Variants in SPOUT1 observed in about 807,000 individuals in gnomAD.
SPOUT1 encodes the protein SPOUT domain containing methyltransferase 1, also known as 28S rRNA (uridine-N(3))-methyltransferase.
SPOUT1 carries 40 observed loss-of-function variants against 54.8 expected under a neutral mutation model. The observed-to-expected ratio is 0.73, with a 90% confidence interval of 0.57 to 0.95. SPOUT1 has a LOEUF of 0.95. Ranked by LOEUF, SPOUT1 falls within the 40% of genes least tolerant of loss-of-function variation. The pLI is 0.00. For missense variants in SPOUT1, 437 were observed against 499.5 expected (o/e 0.87, Z 1.19); for synonymous variants, 193 against 200.3 (o/e 0.96, Z 0.31).
In SPOUT1 at chr9:128,820,853, G is replaced by A. The variant is rs2132579344; in HGVS notation, c.*1912C>T. On this transcript the variant is annotated 3_prime_UTR_variant, in exon 12 of 12. Coordinates refer to ENST00000361256, the MANE Select transcript of SPOUT1 (RefSeq NM_016390.4). ...AGGGCCACTCTTCCTGCCCAGGTAA[G>A]GTGGAAACCAGGGGGGCGGCAGAAC... is the stretch of plus-strand genomic sequence containing the variant. 4.4e-6 allele frequency: 7 copies of A among 1,603,804 alleles called. No individual in the cohort carries two copies. Among genetic ancestry groups the A allele is most frequent in the Non-Finnish European group, 5.1e-6 (6 of 1,174,560 alleles).
rs1458370272 is a variant in SPOUT1, at chr9:128,824,785, A to G, written c.797T>C (p.Leu266Pro). The change falls in exon 9 of 12, where the codon CTG (leucine) becomes CCG (proline). Residue 266 changes from leucine (L) to proline (P), a missense_variant. Physicochemically the swap from Leu to Pro is moderately conservative, Grantham distance 98. Coordinates refer to ENST00000361256, the MANE Select transcript of SPOUT1 (RefSeq NM_016390.4). ...TCTGTCCTTACTGAGGCAGGAAGCC[A>G]GTCGGACGGTGTAGCCCCAGTAGAG... ...AGLYWGYTVR[L>P]ASCLSAVFAE... 6.8e-6 allele frequency: 11 copies of G among 1,613,100 alleles called. No individual in the cohort carries two copies. The highest frequency in any genetic ancestry group is 9.3e-6 in the Non-Finnish European group (11 of 1,179,166).
Position 128,828,874 on chromosome 9 carries a change from C to T in SPOUT1, c.83-14G>A, listed in dbSNP as rs1830293190. On this transcript the variant is annotated splice_polypyrimidine_tract_variant and intron_variant, in intron 2 of 11. Coordinates refer to ENST00000361256, the MANE Select transcript of SPOUT1 (RefSeq NM_016390.4). Reference sequence around the variant, plus strand: ...TCTCCTCTTTCTCTGGATAAAAGAACATCCTAATTGGCCAAGGAGACAGTT... The same window carrying T: ...TCTCCTCTTTCTCTGGATAAAAGAATATCCTAATTGGCCAAGGAGACAGTT... 6.2e-7 allele frequency: 1 copy of T among 1,613,844 alleles called. No individual in the cohort carries two copies. The highest frequency in any genetic ancestry group is 8.5e-7 in the Non-Finnish European group (1 of 1,179,950).
intron 9 of SPOUT1, 122 bp downstream of exon 9, chr9:128,824,649 C>T: frequency 1.4e-6 from 1 of 700,494 alleles, no homozygotes; most frequent in South Asian, 1.7e-5. Flanking sequence ...GAAGGACTTG[C>T]CCAAGGACAC....
chr9:128,827,892 G>T (rs1830272322), intron 3 of SPOUT1, among the ~76,000 whole-genome samples: 1 of 152,240 alleles, frequency 6.6e-6, no homozygotes, highest in Non-Finnish European at 1.5e-5. Flanking sequence ...CTGCACTCCA[G>T]CCTGGGCAAC....
chr9:128,826,211 G>C lies in SPOUT1; in HGVS notation c.509-59C>G. ...TGCTAGGGCACACAGGGTGCAGTGG[G>C]GACCCTGGAGCGGAGTACCGGCTCT... On this transcript the variant is annotated intron_variant, in intron 6 of 11. Coordinates refer to ENST00000361256, the MANE Select transcript of SPOUT1 (RefSeq NM_016390.4). The surrounding 1 kb of genome is among the most constrained non-coding windows in gnomAD (Gnocchi z 5.5). 1 of 1,571,126 alleles carries C rather than the reference G, an allele frequency of 6.4e-7. No individual in the cohort carries two copies. Among genetic ancestry groups the C allele is most frequent in the Non-Finnish European group, 8.6e-7 (1 of 1,156,830 alleles).
chr9:128,821,895 G>T lies in SPOUT1; in HGVS notation c.*870C>A. The stretch of plus-strand genomic sequence containing the variant: ...ATTAGCAGGTGCCTCCTAGGGCCTG[G>T]TGGAAGGGAGGAGACTCTGCTGAGG... On this transcript the variant is annotated 3_prime_UTR_variant, in exon 12 of 12. Coordinates refer to ENST00000361256, the MANE Select transcript of SPOUT1 (RefSeq NM_016390.4). The T allele has an allele frequency of 5.0e-6, 1 of 199,602 alleles. No individual in the cohort carries two copies. Among genetic ancestry groups the T allele is most frequent in the Non-Finnish European group, 1.0e-5 (1 of 96,404 alleles). 12.4% of individuals were successfully genotyped at this position (199,602 alleles called of 1,614,324 possible).
chr9:128,820,377 G>C lies in SPOUT1; in HGVS notation c.*2388C>G, dbSNP rs1488738046. On this transcript the variant is annotated 3_prime_UTR_variant, in exon 12 of 12. Coordinates refer to ENST00000361256, the MANE Select transcript of SPOUT1 (RefSeq NM_016390.4). ...CCCGCTAGGCTCTTCCTGTGGCTCA[G>C]ACTGGGAAAAGGAACGGGTTGGTAG... The C allele has an allele frequency of 1.4e-5, 3 of 219,872 alleles. No individual in the cohort carries two copies. The highest frequency in any genetic ancestry group is 6.8e-5 in the African/African-American group (3 of 43,852). The allele number at this position is 219,872 out of a possible 1,614,324, so 13.6% of individuals were successfully genotyped here. A position where few individuals can be genotyped will look rare whatever the true frequency, so the allele number is the denominator to read the frequency against.
At chr9:128,825,128 G>A (rs1163251861) in intron 7 of SPOUT1, 79 bp from the exon 8 acceptor site, 1 of 1,117,682 alleles carries the variant, frequency 8.9e-7, no homozygotes, top group Non-Finnish European at 1.3e-6. Context: ...TGCCACCAGG[G>A]GAGCCCCGGG....
chr9:128,828,852 C>T lies in SPOUT1; in HGVS notation c.91G>A (p.Glu31Lys), dbSNP rs141898678. ...TTGAGATCCTTCCATTTTTTTTTCT[C>T]CTCTTTCTCTGGATAAAAGAACATC... is the stretch of plus-strand genomic sequence containing the variant. The part of the protein sequence containing the change: ...WRKWKQQKKE[E>K]KKKWKDLKLM... The change falls in exon 3 of 12, where the codon GAG becomes AAG. Residue 31 changes from glutamate to lysine, a missense_variant. Transcript: ENST00000361256. 5.8e-3 allele frequency: 9,397 copies of T among 1,613,622 alleles called. 47 individuals are homozygous for T. Among genetic ancestry groups the T allele is most frequent in the Non-Finnish European group, 6.5e-3 (7,643 of 1,179,784 alleles).
At position 128,820,676 on chromosome 9, in the gene SPOUT1, G is replaced by GC; in HGVS notation, c.*2088dup. On this transcript the variant is annotated 3_prime_UTR_variant, in exon 12 of 12. Coordinates refer to ENST00000361256, the MANE Select transcript of SPOUT1 (RefSeq NM_016390.4). ...GTCCATCCCCTCAGGACCTGGGGCG[G>GC]CCCTCTGATAGAGGAGGAAGGGTCC... The GC allele has an allele frequency of 7.1e-7, 1 of 1,408,578 alleles. No homozygotes were observed. The highest frequency in any genetic ancestry group is 1.4e-5 in the African/African-American group (1 of 70,420). 87.3% of individuals were successfully genotyped at this position (1,408,578 alleles called of 1,614,324 possible). A position where few individuals can be genotyped will look rare whatever the true frequency, so the allele number is the denominator to read the frequency against.
At chr9:128,823,612 C>T (rs1830172620) in intron 11 of SPOUT1, 135 bp downstream of exon 11, 1 of 740,502 alleles carries the variant, frequency 1.4e-6, no homozygotes, top group African/African-American at 1.8e-5. Flanking sequence ...GGCAAGAGGC[C>T]AAGGGGGATG....
Position 128,824,152 on chromosome 9 carries a change from G to C in SPOUT1, c.834C>G (p.Pro278=), listed in dbSNP as rs760211082. The C allele has an allele frequency of 6.2e-7, 1 of 1,613,010 alleles. No homozygotes were observed. The highest frequency in any genetic ancestry group is 8.5e-7 in the Non-Finnish European group (1 of 1,179,594). The change falls in exon 10 of 12, where the codon CCC becomes CCG. Residue 278 remains proline, a synonymous_variant. Transcript: ENST00000361256. The part of the protein sequence containing the change: ...SCLSAVFAEA[P]FQDGYDLTIG... ...TGGTCAGGTCATACCCATCTTGGAA[G>C]GGGGCCTCAGCAAACACAGCACCTG... is the stretch of plus-strand genomic sequence containing the variant.
chr9:128,829,737 G>A lies in SPOUT1; in HGVS notation c.36+8C>T. On this transcript the variant is annotated splice_region_variant and intron_variant, in intron 1 of 11. Transcript: ENST00000361256. ...TGCCCTGCACGGGGTCCCGCCGCCCGCACTTACCGGGCCGCACGGCCGCTT... is the reference window on the plus strand; with the variant it reads ...TGCCCTGCACGGGGTCCCGCCGCCCACACTTACCGGGCCGCACGGCCGCTT... 2 of 1,596,700 alleles carry A rather than the reference G, an allele frequency of 1.3e-6. No individual in the cohort carries two copies. Among genetic ancestry groups the A allele is most frequent in the South Asian group, 1.1e-5 (1 of 88,696 alleles).
intron 10 of SPOUT1, 72 bp from the exon 11 acceptor site, chr9:128,823,966 C>T: frequency 6.3e-7 from 1 of 1,589,250 alleles, no homozygotes; most frequent in Non-Finnish European, 8.6e-7. Context: ...AGACCTCAGT[C>T]CCTCCCCACC....
Position 128,826,115 on chromosome 9 carries a change from A to G in SPOUT1, c.546T>C (p.Arg182=). Residue 182 remains arginine (R), a synonymous_variant, in exon 7 of 12, where the codon CGT becomes CGC. Coordinates refer to ENST00000361256, the MANE Select transcript of SPOUT1 (RefSeq NM_016390.4). The surrounding 1 kb of genome is among the most constrained non-coding windows in gnomAD (Gnocchi z 5.5). ...LNPLDSPHHM[R]QDEESEFREG... ...CTCGGAACTCGGATTCCTCATCCTG[A>G]CGCATGTGGTGGGGGCTGTCCAGGG... 1.2e-6 allele frequency: 2 copies of G among 1,612,754 alleles called. No individual in the cohort carries two copies. The highest frequency in any genetic ancestry group is 1.7e-6 in the Non-Finnish European group (2 of 1,179,296).
Position 128,822,037 on chromosome 9 carries a change from C to T in SPOUT1, c.*728G>A. ...AGAGATGGACAGTCGTTAAGTCTCC[C>T]CTCAGACGAATGTGAATATTCAGAA... On this transcript the variant is annotated 3_prime_UTR_variant, in exon 12 of 12. Coordinates refer to ENST00000361256, the MANE Select transcript of SPOUT1 (RefSeq NM_016390.4). 1 of 453,800 alleles carries T rather than the reference C, an allele frequency of 2.2e-6. No homozygotes were observed. Among genetic ancestry groups the T allele is most frequent in the Non-Finnish European group, 4.1e-6 (1 of 246,090 alleles). The allele number at this position is 453,800 out of a possible 1,614,324, so 28.1% of individuals were successfully genotyped here. A position where few individuals can be genotyped will look rare whatever the true frequency, so the allele number is the denominator to read the frequency against.
Position 128,826,333 on chromosome 9 carries a change from G to A in SPOUT1, c.508+51C>T, listed in dbSNP as rs754609600. 6.9e-6 allele frequency: 11 copies of A among 1,599,672 alleles called. No homozygotes were observed. The African/African-American group carries it at 1.2e-4, about 18-fold the overall frequency. On this transcript the variant is annotated intron_variant, in intron 6 of 11. Coordinates refer to ENST00000361256, the MANE Select transcript of SPOUT1 (RefSeq NM_016390.4). The surrounding 1 kb of genome is among the most constrained non-coding windows in gnomAD (Gnocchi z 5.5). Reference sequence around the variant, plus strand: ...CAGGGTAGGACTGGGTGGTCTCAGTGTCTGTGGCATGATCCAGGGGAAATG... The same window carrying A: ...CAGGGTAGGACTGGGTGGTCTCAGTATCTGTGGCATGATCCAGGGGAAATG...
At position 128,823,686 on chromosome 9, in the gene SPOUT1, C is replaced by T. The variant is rs1036665232; in HGVS notation, c.1062+61G>A. The T allele has an allele frequency of 7.5e-6, 11 of 1,469,286 alleles. No individual in the cohort carries two copies. In the East Asian group the frequency reaches 1.2e-4, roughly 16 times the overall value. The allele number at this position is 1,469,286 out of a possible 1,614,324, so 91.0% of individuals were successfully genotyped here. On this transcript the variant is annotated intron_variant, in intron 11 of 11. Transcript: ENST00000361256. ...TGGGTGACAGGGCAAGAGTAGCACC[C>T]GCCCCTCGGACAGATCCCAAGGCCC...
In SPOUT1 at chr9:128,827,272, C is replaced by T. The variant is rs1830261084; in HGVS notation, c.209-81G>A. 5.2e-6 allele frequency: 7 copies of T among 1,349,124 alleles called. No individual in the cohort carries two copies. The South Asian group carries it at 8.2e-5, about 16-fold the overall frequency. The allele number at this position is 1,349,124 out of a possible 1,614,324, so 83.6% of individuals were successfully genotyped here. A position where few individuals can be genotyped will look rare whatever the true frequency, so the allele number is the denominator to read the frequency against. ...TCTCTCCCTTCCTCTGTCCCTAGCG[C>T]CCATGGTTTGAGAATTTCCCAAGTG... On this transcript the variant is annotated intron_variant, in intron 3 of 11. Coordinates refer to ENST00000361256, the MANE Select transcript of SPOUT1 (RefSeq NM_016390.4).
Sources: allele counts gnomAD v4.1 joint callset (sites outside exome capture counted in the v4.1 genomes callset), GRCh38; gene constraint gnomAD v4.1.1; non-coding constraint Gnocchi (gnomAD v3.1); transcripts MANE v1.5; gene names NCBI Gene and HGNC (gene_info 2026-07-23, HGNC 2026-07-21).